The following SH3RF1 variants were observed in gnomAD, a reference collection of about 807,000 sequenced individuals.
SH3RF1 encodes SH3 domain containing ring finger 1.
In SH3RF1, 32 loss-of-function variants were observed where a neutral mutation model predicts 74.0. The ratio of observed to expected loss-of-function variants is 0.43; its 90% CI spans 0.33 to 0.58. The LOEUF is 0.58. Among genes scored for constraint, SH3RF1 ranks in the 20% least tolerant of loss-of-function variants. The pLI is 0.05. For synonymous variants in SH3RF1, 396 were observed against 439.6 expected (o/e 0.90, Z 1.24); for missense variants, 954 against 1,130.9 (o/e 0.84, Z 2.24).
intron 10 of SH3RF1, among the ~76,000 whole-genome samples, chr4:169,114,018 G>A (rs1185651776): frequency 6.6e-6 from 1 of 152,142 alleles, no homozygotes; most frequent in Admixed American, 6.5e-5. Flanking sequence ...GCAGTCTTGG[G>A]CTAGGGCACT....
At chr4:169,102,897 G>A (rs983338531) in intron 11 of SH3RF1, among the ~76,000 whole-genome samples, 2 of 148,260 alleles carry the variant, frequency 1.3e-5, no homozygotes, top group Non-Finnish European at 3.0e-5. Flanking sequence ...TGACAGCACC[G>A]GCTGCCCCAG....
chr4:169,248,537 C>T (rs746456768), intron 2 of SH3RF1, among the ~76,000 whole-genome samples: 65 of 152,196 alleles, frequency 4.3e-4, no homozygotes, highest in Non-Finnish European at 8.1e-4. Flanking sequence ...ACCTAATGCA[C>T]GCCAGGCTTA....
chr4:169,154,556 C>G (rs10049791), intron 4 of SH3RF1, among the ~76,000 whole-genome samples: 14,986 of 152,196 alleles, frequency 0.098, 1,571 homozygotes, highest in African/African-American at 0.26. Context: ...CTTGTGCTCT[C>G]TCTTACTTTT....
intron 2 of SH3RF1, among the ~76,000 whole-genome samples, chr4:169,176,409 A>G (rs896067156): frequency 1.3e-5 from 2 of 152,242 alleles, no homozygotes; most frequent in African/African-American, 4.8e-5. Context: ...GCTACCTTAC[A>G]TGTTCAATAA....
chr4:169,216,094 A>G (rs992851228), intron 2 of SH3RF1, among the ~76,000 whole-genome samples: 1 of 152,154 alleles, frequency 6.6e-6, no homozygotes, highest in African/African-American at 2.4e-5. Context: ...ATGAGCCACC[A>G]TGCCCAGCCT....
intron 2 of SH3RF1, among the ~76,000 whole-genome samples, chr4:169,211,895 G>A (rs902709356): frequency 5.9e-5 from 9 of 152,036 alleles, no homozygotes; most frequent in Non-Finnish European, 1.2e-4. Context: ...TCAATGTAAT[G>A]AAAATATCAG....
intron 2 of SH3RF1, among the ~76,000 whole-genome samples, chr4:169,159,055 T>C (rs1229494204): frequency 6.6e-6 from 1 of 152,196 alleles, no homozygotes; most frequent in African/African-American, 2.4e-5. Context: ...GACCTCTGAC[T>C]TTCAGACTCT....
At chr4:169,131,337 AAG>A (rs1261403739) in intron 5 of SH3RF1, among the ~76,000 whole-genome samples, 2 of 152,188 alleles carry the variant, frequency 1.3e-5, no homozygotes, top group African/African-American at 4.8e-5. Context: ...TGGCACTAAA[AAG>A]AGTTTCTCCC....
chr4:169,156,908 T>C (rs2126965460), intron 2 of SH3RF1, among the ~76,000 whole-genome samples: 1 of 152,282 alleles, frequency 6.6e-6, no homozygotes, highest in East Asian at 1.9e-4. Flanking sequence ...CAGCCATGAT[T>C]TAGGCTTCTA....
intron 2 of SH3RF1, among the ~76,000 whole-genome samples, chr4:169,235,061 T>C (rs1730805437): frequency 6.6e-6 from 1 of 152,166 alleles, no homozygotes; most frequent in East Asian, 1.9e-4. Context: ...GTTTCCCACA[T>C]CTAGATTTTG....
At chr4:169,147,902 C>A (rs1733919085) in intron 4 of SH3RF1, among the ~76,000 whole-genome samples, 2 of 151,810 alleles carry the variant, frequency 1.3e-5, no homozygotes, top group Admixed American at 1.3e-4. Flanking sequence ...CTTATTAAAG[C>A]TTTAGTTACT....
chr4:169,158,319 G>GT, intron 2 of SH3RF1, among the ~76,000 whole-genome samples: 1 of 152,304 alleles, frequency 6.6e-6, no homozygotes, highest in East Asian at 1.9e-4. Context: ...AAAGAGAACA[G>GT]TAAGGGCATT....
At chr4:169,126,450 C>T (rs1733526619) in intron 6 of SH3RF1, among the ~76,000 whole-genome samples, 1 of 152,232 alleles carries the variant, frequency 6.6e-6, no homozygotes, top group South Asian at 2.1e-4. Flanking sequence ...TCCTCTACTT[C>T]CAATTCCCTG....
intron 2 of SH3RF1, among the ~76,000 whole-genome samples, chr4:169,212,783 A>G (rs756017942): frequency 3.3e-5 from 5 of 152,208 alleles, no homozygotes; most frequent in Non-Finnish European, 5.9e-5. Context: ...ATGTTTAATC[A>G]CATGTATCCA....
At chr4:169,119,525 G>T (rs1438977355) in intron 8 of SH3RF1, among the ~76,000 whole-genome samples, 7 of 151,554 alleles carry the variant, frequency 4.6e-5, no homozygotes, top group Non-Finnish European at 5.9e-5. Context: ...TTATTTTTTT[G>T]TTCTTTGTTG....
At chr4:169,165,136 T>C (rs59608373) in intron 2 of SH3RF1, among the ~76,000 whole-genome samples, 1,789 of 152,314 alleles carry the variant, frequency 0.012, 43 homozygotes, top group African/African-American at 0.041. Flanking sequence ...ATGGGGACTA[T>C]TTCCTGGGAA....
At chr4:169,165,069 T>G (rs770292333) in intron 2 of SH3RF1, among the ~76,000 whole-genome samples, 6 of 152,216 alleles carry the variant, frequency 3.9e-5, no homozygotes, top group Non-Finnish European at 5.9e-5. Flanking sequence ...GCAGGAATAT[T>G]TACTGGGAAG....
At chr4:169,245,138 T>C (rs1730974749) in intron 2 of SH3RF1, among the ~76,000 whole-genome samples, 1 of 152,220 alleles carries the variant, frequency 6.6e-6, no homozygotes, top group Admixed American at 6.5e-5. Flanking sequence ...AAGTTGTTTA[T>C]ATTTACCACA....
intron 10 of SH3RF1, among the ~76,000 whole-genome samples, chr4:169,108,904 G>A (rs1226076393): frequency 2.6e-5 from 4 of 152,186 alleles, no homozygotes; most frequent in Non-Finnish European, 5.9e-5. Context: ...TGGAAGGAAG[G>A]AAAAATATAG....
Sources: allele counts gnomAD v4.1 joint callset (sites outside exome capture counted in the v4.1 genomes callset), GRCh38; gene constraint gnomAD v4.1.1; transcripts MANE v1.5; gene names NCBI Gene and HGNC (gene_info 2026-07-23, HGNC 2026-07-21).